The following LRP3 variants were observed in gnomAD, a reference collection of about 807,000 sequenced individuals.
The protein encoded by LRP3 is LDL receptor related protein 3, also known as low-density lipoprotein receptor-related protein 3.
LRP3 carries 49 observed loss-of-function variants against 58.5 expected under a neutral mutation model. The observed-to-expected ratio is 0.84, with a 90% CI of 0.67 to 1.06. LRP3 has a LOEUF of 1.06. Among genes scored for constraint, LRP3 ranks in the 50% least tolerant of loss-of-function variants. The pLI, the probability that LRP3 is intolerant of heterozygous loss-of-function variation, is 0.00. For missense variants in LRP3, 1,019 were observed against 1,134.2 expected (o/e 0.90, Z 1.46); for synonymous variants, 485 against 492.2 (o/e 0.99, Z 0.20).
In LRP3 at chr19:33,194,825, G is replaced by T; in HGVS notation, c.40G>T (p.Gly14Cys). ...GGCCGCGGGGCTGGAGGGCGCGCCG[G>T]GCGCCCGGGCGCAGCTGGCCGTCGT... ...RAAAGLEGAP[G>C]ARAQLAVVCL... The change falls in exon 1 of 7, where the codon GGC becomes TGC. Residue 14 changes from glycine (G) to cysteine (C), a missense_variant. Around this residue, in one of 2 missense-constraint regions of LRP3, gnomAD observed 592 missense variants for 725.5 expected, o/e 0.82. Transcript: ENST00000253193. The T allele has an allele frequency of 9.1e-7, 1 of 1,098,498 alleles. No individual in the cohort carries two copies. The highest frequency in any genetic ancestry group is 5.2e-5 in the East Asian group (1 of 19,358). The allele number at this position is 1,098,498 out of a possible 1,614,324, so 68.0% of individuals were successfully genotyped here.
chr19:33,197,848 A>T (rs1211054561), intron 2 of LRP3, among the ~76,000 whole-genome samples: 2 of 152,174 alleles, frequency 1.3e-5, no homozygotes, highest in Non-Finnish European at 2.9e-5. Flanking sequence ...AGCTGTGCTC[A>T]CTGGCTCCTC....
chr19:33,199,997 CT>C (rs1329908516), intron 2 of LRP3, among the ~76,000 whole-genome samples: 1 of 152,204 alleles, frequency 6.6e-6, no homozygotes, highest in East Asian at 1.9e-4. Context: ...TGCCCTGCCC[CT>C]GGCCTTGTCC....
In LRP3 at chr19:33,204,769, C is replaced by T; in HGVS notation, c.392C>T (p.Ala131Val). The T allele has an allele frequency of 6.2e-7, 1 of 1,613,258 alleles. No homozygotes were observed. The highest frequency in any genetic ancestry group is 8.5e-7 in the Non-Finnish European group (1 of 1,179,984). Residue 131 changes from alanine (A) to valine (V), a missense_variant, in exon 4 of 7, where the codon GCC becomes GTC. Ala to Val is a moderately conservative substitution (Grantham distance 64). This residue lies in a region of LRP3 where 592 missense variants were observed against 725.5 expected (regional missense o/e 0.82). Transcript: ENST00000253193. The stretch of plus-strand genomic sequence containing the variant: ...GCCATCCCACCTGCCTTCATCTCTG[C>T]CCGCGACCATGTCTGGATTTTCTTC... ...GSAIPPAFIS[A>V]RDHVWIFFHS...
intron 5 of LRP3, 87 bp from the exon 6 acceptor site, chr19:33,206,514 G>A (rs760864101): frequency 1.1e-5 from 18 of 1,586,654 alleles, no homozygotes; most frequent in Non-Finnish European, 1.5e-5. Context: ...GGGTGTCTGG[G>A]TGGAGGGTCG....
intron 6 of LRP3, 70 bp downstream of exon 6, chr19:33,206,803 G>A: frequency 1.4e-6 from 2 of 1,453,618 alleles, no homozygotes; most frequent in Non-Finnish European, 1.8e-6. Flanking sequence ...GCTGGTCCAG[G>A]GGTCACAGGA....
intron 6 of LRP3, 60 bp from the exon 7 acceptor site, chr19:33,206,928 G>A: frequency 7.6e-7 from 1 of 1,307,214 alleles, no homozygotes; most frequent in Non-Finnish European, 1.0e-6. Flanking sequence ...TCCTGCCCCT[G>A]AGCAGCCTGT....
At chr19:33,202,722 A>G (rs1480186699) in intron 2 of LRP3, 126 bp from the exon 3 acceptor site, 12 of 1,158,354 alleles carry the variant, frequency 1.0e-5, no homozygotes, top group African/African-American at 1.5e-5. Flanking sequence ...GCCCTTGGCC[A>G]TGGCCACCCT....
At chr19:33,195,159 C>T (rs1408525082) in intron 1 of LRP3, among the ~76,000 whole-genome samples, 1 of 152,168 alleles carries the variant, frequency 6.6e-6, no homozygotes, top group Non-Finnish European at 1.5e-5. Context: ...CCGCGCTGAG[C>T]CTGGAGACGA....
In LRP3 at chr19:33,207,209, C is replaced by G. The variant is rs748952635; in HGVS notation, c.1947C>G (p.Asp649Glu). The G allele has an allele frequency of 6.1e-5, 95 of 1,554,638 alleles. No individual in the cohort carries two copies. The highest frequency in any genetic ancestry group is 7.9e-5 in the Non-Finnish European group (91 of 1,155,982). Residue 649 changes from aspartate to glutamate, a missense_variant, in exon 7 of 7, where the codon GAC becomes GAG. Asp to Glu is a conservative substitution (Grantham distance 45, BLOSUM62 2). Transcript: ENST00000253193. The stretch of plus-strand genomic sequence containing the variant: ...AGCCTGCTCCAGGGGCTGCCCCCGA[C>G]CCCCCAGCACCGCTCATGGACACAG... ...FLQPAPGAAPDPPAPLMDTGS... is the reference protein window; with the variant it reads ...FLQPAPGAAPEPPAPLMDTGS...
chr19:33,196,452 G>A (rs1363312272), intron 1 of LRP3, among the ~76,000 whole-genome samples: 2 of 152,216 alleles, frequency 1.3e-5, no homozygotes, highest in Non-Finnish European at 2.9e-5. Flanking sequence ...CAGCTACTTG[G>A]GAGGCTCAGG....
chr19:33,196,863 C>T (rs2145447671), intron 2 of LRP3, 86 bp downstream of exon 2: 3 of 1,241,958 alleles, frequency 2.4e-6, no homozygotes, highest in East Asian at 4.7e-5. Flanking sequence ...AGGGTCCTGG[C>T]ACTACCCCGA....
In LRP3 at chr19:33,204,701, A is replaced by G. The variant is rs1226151182; in HGVS notation, c.324A>G (p.Pro108=). 1.2e-6 allele frequency: 2 copies of G among 1,609,776 alleles called. No individual in the cohort carries two copies. Among genetic ancestry groups the G allele is most frequent in the Admixed American group, 3.3e-5 (2 of 60,026 alleles). ...QCSLDWLLLG[P]AAPPRQEAFR... ...CCCTGGACTGGCTCCTGCTGGGCCC[A>G]GCAGCCCCACCCCGCCAGGAGGCCT... The change falls in exon 4 of 7, where the codon CCA becomes CCG. Residue 108 remains proline (P), a synonymous_variant. Transcript: ENST00000253193.
In LRP3 at chr19:33,206,344, T is replaced by C; in HGVS notation, c.1574T>C (p.Leu525Pro). Residue 525 changes from leucine to proline, a missense_variant, in exon 5 of 7, where the codon CTG becomes CCG. This residue lies in a region of LRP3 where 427 missense variants were observed against 408.6 expected (regional missense o/e 1.04). Coordinates refer to ENST00000253193, the MANE Select transcript of LRP3 (RefSeq NM_002333.4). ...ALGCAFKLYS[L>P]RTQEYRAFET... ...GGCTGCGCCTTCAAGCTCTACTCAC[T>C]GCGCACGCAGGAATACAGGTGGGCG... 1.2e-6 allele frequency: 2 copies of C among 1,604,158 alleles called. No homozygotes were observed. Among genetic ancestry groups the C allele is most frequent in the Non-Finnish European group, 1.7e-6 (2 of 1,177,446 alleles).
In LRP3 at chr19:33,194,410, C is replaced by A. The variant is rs1974261827; in HGVS notation, c.-376C>A. 6.9e-6 allele frequency among the ~76,000 whole-genome samples: 1 copy of A among 144,564 alleles called. No individual in the cohort carries two copies. The highest frequency in any genetic ancestry group is 2.1e-4 in the South Asian group (1 of 4,746). The allele number at this position is 144,564 out of a possible 152,430, so 94.8% of individuals were successfully genotyped here. Reference sequence around the variant, plus strand: ...GCGGGGCGGCCCGGGGACGCCGGGGCCGGGCGGGCTGCGCGCCGCGGGGCA... The same window carrying A: ...GCGGGGCGGCCCGGGGACGCCGGGGACGGGCGGGCTGCGCGCCGCGGGGCA... On this transcript the variant is annotated 5_prime_UTR_variant, in exon 1 of 7. Transcript: ENST00000253193.
At chr19:33,205,039 C>T (rs1974385125) in intron 4 of LRP3, 187 bp downstream of exon 4, 1 of 736,894 alleles carries the variant, frequency 1.4e-6, no homozygotes, top group Non-Finnish European at 2.2e-6. Context: ...CTCAAGGTCA[C>T]TGGCCCCACT....
chr19:33,201,765 G>A lies in LRP3; in HGVS notation c.122-1083G>A, dbSNP rs536730926. Among the ~76,000 whole-genome samples, 6 of 152,240 alleles carry A rather than the reference G, an allele frequency of 3.9e-5. No individual in the cohort carries two copies. In the East Asian group the frequency reaches 9.7e-4, roughly 25 times the overall value. ...GGGAAGGGTCAGGGTGCTGTGGGGT[G>A]GGAGGTGTGGTCAAGTGCAGGGGCC... On this transcript the variant is annotated intron_variant, in intron 2 of 6. Coordinates refer to ENST00000253193, the MANE Select transcript of LRP3 (RefSeq NM_002333.4).
At position 33,207,658 on chromosome 19, in the gene LRP3, T is replaced by TC. The variant is rs549960409; in HGVS notation, c.*83_*84insC. 3,351 of 1,152,634 alleles carry TC rather than the reference T, an allele frequency of 2.9e-3. 15 individuals carry two copies. The highest frequency in any genetic ancestry group is 5.9e-3 in the South Asian group (434 of 73,234). The allele number at this position is 1,152,634 out of a possible 1,614,324, so 71.4% of individuals were successfully genotyped here. ...CATTTCTACCCTGCCTCTGCGTCCT[T>TC]TCTTATGGAGAGGCCCTCCGGGGAC... On this transcript the variant is annotated 3_prime_UTR_variant, in exon 7 of 7. Coordinates refer to ENST00000253193, the MANE Select transcript of LRP3 (RefSeq NM_002333.4).
Position 33,208,535 on chromosome 19 carries a change from C to A in LRP3, c.*960C>A. ...GAGCGCCTGTGTCAAGCAGCAAAGC[C>A]CCCTAATGTCAAGAGCCTCCTCCAG... On this transcript the variant is annotated 3_prime_UTR_variant, in exon 7 of 7. Transcript: ENST00000253193. The surrounding 1 kb of genome is among the most constrained non-coding windows in gnomAD (Gnocchi z 4.7). The A allele has an allele frequency of 2.8e-6, 1 of 353,734 alleles. No individual in the cohort carries two copies. Among genetic ancestry groups the A allele is most frequent in the South Asian group, 2.5e-5 (1 of 39,872 alleles). The allele number at this position is 353,734 out of a possible 1,614,324, so 21.9% of individuals were successfully genotyped here. A position where few individuals can be genotyped will look rare whatever the true frequency, so the allele number is the denominator to read the frequency against.
Position 33,206,713 on chromosome 19 carries a change from C to G in LRP3, c.1705C>G (p.Pro569Ala), listed in dbSNP as rs1366365207. 4 of 1,534,656 alleles carry G rather than the reference C, an allele frequency of 2.6e-6. No individual in the cohort carries two copies. The highest frequency in any genetic ancestry group is 3.5e-6 in the Non-Finnish European group (4 of 1,141,492). ...QGLIPPVEDF[P>A]VYSASQASVL... is the part of the protein sequence containing the mutation. ...CCTCATTCCACCCGTGGAGGACTTT[C>G]CTGTCTACAGTGCGTCCCAGGTGAG... The change falls in exon 6 of 7, where the codon CCT becomes GCT. Residue 569 changes from proline (P) to alanine (A), a missense_variant. This residue lies in a region of LRP3 where 427 missense variants were observed against 408.6 expected (regional missense o/e 1.04). Transcript: ENST00000253193.
Sources: allele counts gnomAD v4.1 joint callset (sites outside exome capture counted in the v4.1 genomes callset), GRCh38; gene constraint gnomAD v4.1.1; regional missense constraint gnomAD v4.1.1; non-coding constraint Gnocchi (gnomAD v3.1); transcripts MANE v1.5; gene names NCBI Gene and HGNC (gene_info 2026-07-23, HGNC 2026-07-21).